PEMT: variants seen among roughly 807,000 people sequenced by gnomAD.
PEMT encodes the protein phospholipid methyltransferase.
PEMT carries 23 observed loss-of-function variants against 27.4 expected under a neutral mutation model. The observed-to-expected ratio is 0.84, with a 90% CI of 0.60 to 1.19. The LOEUF (loss-of-function observed/expected upper bound fraction) is 1.19. Among genes scored for constraint, PEMT ranks in the 50% most tolerant of loss-of-function variants. The probability of loss-of-function intolerance (pLI) is 0.00; values close to 1 mark genes in which losing one functional copy is unlikely to be tolerated. For missense variants in PEMT, 307 were observed against 310.1 expected, an observed-to-expected ratio of 0.99 and a Z score of 0.07; for synonymous variants, 137 against 139.1, an observed-to-expected ratio of 0.98 and a Z score of 0.11.
At position 17,513,390 on chromosome 17, in the gene PEMT, A is replaced by T. The variant is rs1906564542; in HGVS notation, c.321-736T>A. The stretch of plus-strand genomic sequence containing the variant: ...GGTGGGCGGGTCACCTGAGGTCAGG[A>T]GTTCAAGACCAGCCTGGCCAACATG... On this transcript the variant is annotated intron_variant, in intron 3 of 6. Transcript: ENST00000255389. The surrounding 1 kb of genome is among the most constrained non-coding windows in gnomAD (Gnocchi z 4.1). Among the ~76,000 whole-genome samples, 1 of 152,150 alleles carries T rather than the reference A, an allele frequency of 6.6e-6. No individual in the cohort carries two copies. The highest frequency in any genetic ancestry group is 1.5e-5 in the Non-Finnish European group (1 of 68,018).
chr17:17,586,250 AAGAAAGAAAG>A (rs1912270015), intron 1 of PEMT, among the ~76,000 whole-genome samples: 2 of 111,428 alleles, frequency 1.8e-5, no homozygotes, highest in South Asian at 5.5e-4. Context: ...GAAAGAAAGA[AAGAAAGAAAG>A]AAAGAAAGAA....
At chr17:17,534,206 C>T (rs538286461) in intron 2 of PEMT, among the ~76,000 whole-genome samples, 3 of 152,250 alleles carry the variant, frequency 2.0e-5, no homozygotes, top group Admixed American at 1.3e-4. Context: ...TGTCCATCAA[C>T]CAGTGAATAA....
chr17:17,549,442 C>T (rs1909495251), intron 2 of PEMT, among the ~76,000 whole-genome samples: 1 of 152,176 alleles, frequency 6.6e-6, no homozygotes, highest in African/African-American at 2.4e-5. Context: ...CCCGCCTCAG[C>T]CTCCCAAAGT....
intron 1 of PEMT, among the ~76,000 whole-genome samples, chr17:17,586,858 C>A (rs974287750): frequency 6.6e-6 from 1 of 152,062 alleles, no homozygotes; most frequent in Non-Finnish European, 1.5e-5. Flanking sequence ...CAAAAATTAA[C>A]CAGGCGTGGT....
At position 17,523,374 on chromosome 17, in the gene PEMT, G is replaced by A. The variant is rs1447192033; in HGVS notation, c.205-979C>T. On this transcript the variant is annotated intron_variant, in intron 2 of 6. Transcript: ENST00000255389. This position sits in a 1 kb window ranked among gnomAD's most constrained non-coding sequence, Gnocchi z 4.8. The stretch of plus-strand genomic sequence containing the variant: ...TGGACCTGCCTTTCCCAGCAGTTGC[G>A]GCAGGAGAGTGATTAGCGATGATTT... Among the ~76,000 whole-genome samples, 1 of 152,164 alleles carries A rather than the reference G, an allele frequency of 6.6e-6. No individual in the cohort carries two copies. Among genetic ancestry groups the A allele is most frequent in the African/African-American group, 2.4e-5 (1 of 41,430 alleles).
chr17:17,505,966 T>A, intron 6 of PEMT, 118 bp from the exon 7 acceptor site: 7 of 1,407,504 alleles, frequency 5.0e-6, no homozygotes, highest in Non-Finnish European at 6.6e-6. Flanking sequence ...ATCCCCTTCA[T>A]CCCCCAGAGC....
chr17:17,518,285 C>T (rs982933206), intron 3 of PEMT: 11 of 386,570 alleles, frequency 2.8e-5, no homozygotes, highest in Non-Finnish European at 3.5e-5. Context: ...CCATCCACGC[C>T]TCGCCCACCC....
rs527336350 is a variant in PEMT, at chr17:17,569,196, C to G, written c.204+7724G>C. Among the ~76,000 whole-genome samples the G allele has an allele frequency of 1.7e-3, 266 of 152,352 alleles. 11 individuals are homozygous for G. The South Asian group carries it at 0.051, about 29-fold the overall frequency. On this transcript the variant is annotated intron_variant, in intron 2 of 6. Coordinates refer to ENST00000255389, the MANE Select transcript of PEMT (RefSeq NM_148172.3). ...GATACAGACATAAGGCCTGCTGCCCCTCTATAGGTATCCTCTGCAGGGCCA... is the reference window on the plus strand; with the variant it reads ...GATACAGACATAAGGCCTGCTGCCCGTCTATAGGTATCCTCTGCAGGGCCA...
At chr17:17,562,390 C>T (rs1226375128) in intron 2 of PEMT, among the ~76,000 whole-genome samples, 3 of 151,804 alleles carry the variant, frequency 2.0e-5, no homozygotes, top group East Asian at 1.9e-4. Flanking sequence ...AGTGGAGGCA[C>T]GGTTAGCACT....
chr17:17,569,069 C>T (rs190267787), intron 2 of PEMT, among the ~76,000 whole-genome samples: 1 of 152,226 alleles, frequency 6.6e-6, no homozygotes, highest in Non-Finnish European at 1.5e-5. Context: ...ACTACAGTGG[C>T]CAACTGTCCT....
chr17:17,549,538 C>G (rs1264576732), intron 2 of PEMT, among the ~76,000 whole-genome samples: 3 of 152,168 alleles, frequency 2.0e-5, no homozygotes, highest in Non-Finnish European at 4.4e-5. Context: ...ACTCCTGTGC[C>G]CAAGCAATCC....
Position 17,591,603 on chromosome 17 carries a change from T to C in PEMT, c.24A>G (p.Gly8=). MKRSGNP[G]AEVTNSSVAG... is the part of the protein sequence containing the mutation. The stretch of plus-strand genomic sequence containing the variant: ...CCACCGAGCTGTTCGTTACCTCGGC[T>C]CCCGGGTTCCCAGATCTCTTCATCC... The change falls in exon 1 of 7, where the codon GGA becomes GGG. Residue 8 remains glycine (G), a synonymous_variant. Transcript: ENST00000255389. 1.9e-6 allele frequency: 3 copies of C among 1,613,108 alleles called. No homozygotes were observed. The highest frequency in any genetic ancestry group is 2.5e-6 in the Non-Finnish European group (3 of 1,179,606).
rs184011334 is a variant in PEMT, at chr17:17,569,891, G to A, written c.204+7029C>T. Among the ~76,000 whole-genome samples the A allele has an allele frequency of 9.2e-5, 14 of 152,342 alleles. No homozygotes were observed. In the East Asian group the frequency reaches 2.3e-3, roughly 25 times the overall value. The stretch of plus-strand genomic sequence containing the variant: ...AAGCAGGGGGGCTCTGGGAGCTGGA[G>A]TGGCACAGGCTGCCTATCTTATCTT... On this transcript the variant is annotated intron_variant, in intron 2 of 6. Coordinates refer to ENST00000255389, the MANE Select transcript of PEMT (RefSeq NM_148172.3).
chr17:17,562,480 G>A (rs1054704248), intron 2 of PEMT, among the ~76,000 whole-genome samples: 2 of 152,160 alleles, frequency 1.3e-5, no homozygotes, highest in Admixed American at 1.3e-4. Flanking sequence ...TTGATCCCAC[G>A]CTCAAAGGCT....
At chr17:17,507,211 G>GAGGA (rs1350816735) in intron 5 of PEMT, 3 of 1,552,234 alleles carry the variant, frequency 1.9e-6, no homozygotes, top group Admixed American at 3.9e-5. Context: ...TGCTGCCAGG[G>GAGGA]AGGAGGGAGG....
chr17:17,562,538 C>T (rs763911639), intron 2 of PEMT, among the ~76,000 whole-genome samples: 7 of 152,216 alleles, frequency 4.6e-5, no homozygotes, highest in African/African-American at 1.4e-4. Flanking sequence ...TGGCCGGGCA[C>T]GGTGGCTCAC....
At chr17:17,585,923 A>C (rs1033963813) in intron 1 of PEMT, among the ~76,000 whole-genome samples, 1 of 151,616 alleles carries the variant, frequency 6.6e-6, no homozygotes, top group Admixed American at 6.6e-5. Flanking sequence ...TCTACTAAAA[A>C]ATTAAAAAAA....
chr17:17,547,139 T>C (rs777374789), intron 2 of PEMT, among the ~76,000 whole-genome samples: 25 of 152,378 alleles, frequency 1.6e-4, no homozygotes, highest in Non-Finnish European at 2.4e-4. Context: ...TCAGAAATAA[T>C]TGAACAGGCA....
At chr17:17,510,717 C>T (rs910594417) in intron 4 of PEMT, among the ~76,000 whole-genome samples, 1 of 152,232 alleles carries the variant, frequency 6.6e-6, no homozygotes, top group Non-Finnish European at 1.5e-5. Flanking sequence ...GAGGCTGTGG[C>T]CACTGGTGTT....
Sources: gnomAD v4.1 joint callset for allele counts (sites outside exome capture counted in the v4.1 genomes callset) on GRCh38, gnomAD v4.1.1 for gene constraint, Gnocchi (gnomAD v3.1) non-coding constraint, MANE v1.5 for transcripts, NCBI Gene and HGNC (gene_info 2026-07-23, HGNC 2026-07-21) for gene names.